Variants in CUBN observed in about 807,000 individuals in gnomAD.
CUBN encodes cubilin.
In CUBN, 282 loss-of-function variants were observed where a neutral mutation model predicts 405.3. The ratio of observed to expected loss-of-function variants is 0.70; its 90% confidence interval spans 0.63 to 0.77. The LOEUF is 0.77. Ranked by LOEUF, CUBN falls within the 30% of genes least tolerant of loss-of-function variation. CUBN has a pLI of 0.00. For synonymous variants in CUBN, 1,684 were observed against 1,617.0 expected (o/e 1.04, Z -0.99); for missense variants, 4,514 against 4,475.2 (o/e 1.01, Z -0.25).
chr10:17,116,853 A>C (rs1317010025), intron 6 of CUBN, among the ~76,000 whole-genome samples: 1 of 152,166 alleles, frequency 6.6e-6, no homozygotes, highest in African/African-American at 2.4e-5. Flanking sequence ...TGCAGGGAGC[A>C]CCATCCATGC....
rs1288536708 is a variant in CUBN, at chr10:16,942,209, C to T, written c.5343-1972G>A. Among the ~76,000 whole-genome samples the T allele has an allele frequency of 3.3e-5, 5 of 152,118 alleles. No homozygotes were observed. In the East Asian group the frequency reaches 7.7e-4, roughly 23 times the overall value. On this transcript the variant is annotated intron_variant, in intron 36 of 66. Transcript: ENST00000377833. ...AGCAACTGAAGTCTTATATATTCCT[C>T]GTGGGACTGCATACTGACATAGCCA...
In CUBN at chr10:16,903,950, T is replaced by A. The variant is rs1841481761; in HGVS notation, c.8062+16A>T. On this transcript the variant is annotated intron_variant, in intron 51 of 66. Transcript: ENST00000377833. The stretch of plus-strand genomic sequence containing the variant: ...TTTATAAGTAATTTTATCAAGATCT[T>A]AATTATAATTCTTACCTGTAAAGGA... The A allele has an allele frequency of 6.4e-7, 1 of 1,550,782 alleles. No individual in the cohort carries two copies. Among genetic ancestry groups the A allele is most frequent in the East Asian group, 2.3e-5 (1 of 43,600 alleles).
intron 48 of CUBN, among the ~76,000 whole-genome samples, chr10:16,912,617 G>A (rs1841765874): frequency 6.6e-6 from 1 of 152,216 alleles, no homozygotes; most frequent in Non-Finnish European, 1.5e-5. Flanking sequence ...AAGTGAGGGT[G>A]TGGAGCAGGC....
At chr10:17,106,869 G>A (rs541056470) in intron 10 of CUBN, among the ~76,000 whole-genome samples, 2 of 152,274 alleles carry the variant, frequency 1.3e-5, no homozygotes, top group South Asian at 2.1e-4. Flanking sequence ...AGCTATCACA[G>A]AATGAACTTA....
intron 64 of CUBN, among the ~76,000 whole-genome samples, chr10:16,834,226 C>T (rs1300962331): frequency 1.3e-5 from 2 of 152,104 alleles, no homozygotes; most frequent in Non-Finnish European, 2.9e-5. Context: ...TGCCTATGAG[C>T]GATGATGTTC....
In CUBN at chr10:16,940,598, T is replaced by C. The variant is rs151107184; in HGVS notation, c.5343-361A>G. ...CATATTTGATTGTGGTGCTCTGCAA[T>C]AGCTTGATGGGAAGACTTTTTGAGA... On this transcript the variant is annotated intron_variant, in intron 36 of 66. Coordinates refer to ENST00000377833, the MANE Select transcript of CUBN (RefSeq NM_001081.4). 4.3e-3 allele frequency among the ~76,000 whole-genome samples: 660 copies of C among 152,320 alleles called. 2 individuals carry two copies. The highest frequency in any genetic ancestry group is 9.1e-3 in the South Asian group (44 of 4,828).
intron 28 of CUBN, among the ~76,000 whole-genome samples, chr10:17,010,752 G>C (rs1024288472): frequency 6.6e-6 from 1 of 152,182 alleles, no homozygotes; most frequent in African/African-American, 2.4e-5. Flanking sequence ...CCTAATGTAC[G>C]TTTCAAGCTG....
At position 17,008,238 on chromosome 10, in the gene CUBN, G is replaced by GGTGTGTGT. The variant is rs55936618; in HGVS notation, c.4168+11587_4168+11594dup. Among the ~76,000 whole-genome samples, 221 of 80,894 alleles carry GGTGTGTGT rather than the reference G, an allele frequency of 2.7e-3. 4 individuals are homozygous for GGTGTGTGT. The highest frequency in any genetic ancestry group is 6.5e-3 in the Admixed American group (45 of 6,950). 53.1% of individuals were successfully genotyped at this position (80,894 alleles called of 152,430 possible). On this transcript the variant is annotated intron_variant, in intron 28 of 66. Coordinates refer to ENST00000377833, the MANE Select transcript of CUBN (RefSeq NM_001081.4). ...GGCTGTAGAGTCCCTGCCCGTGTGT[G>GGTGTGTGT]GTGTGTGTGTGTGTGTGTGTGTGTG...
chr10:17,057,790 TAC>T (rs1275580567), intron 22 of CUBN, among the ~76,000 whole-genome samples: 2 of 151,854 alleles, frequency 1.3e-5, no homozygotes, highest in African/African-American at 4.8e-5. Context: ...AACACATGAA[TAC>T]AGCAACATGA....
At chr10:16,895,959 T>A (rs557364376) in intron 54 of CUBN, among the ~76,000 whole-genome samples, 1 of 152,296 alleles carries the variant, frequency 6.6e-6, no homozygotes, top group African/African-American at 2.4e-5. Flanking sequence ...TCTCTTTTCT[T>A]GATATCTTGG....
intron 10 of CUBN, among the ~76,000 whole-genome samples, chr10:17,106,794 A>C (rs1340191389): frequency 1.3e-5 from 2 of 152,322 alleles, no homozygotes; most frequent in Middle Eastern, 3.4e-3. Flanking sequence ...TTACACAGGC[A>C]GGCCACATGT....
At chr10:17,109,950 T>C (rs1053474657) in intron 9 of CUBN, among the ~76,000 whole-genome samples, 2 of 152,118 alleles carry the variant, frequency 1.3e-5, no homozygotes, top group African/African-American at 4.8e-5. Flanking sequence ...ATGTTCTGGG[T>C]TGTTTCTAAT....
intron 17 of CUBN, among the ~76,000 whole-genome samples, chr10:17,078,171 G>T (rs1835891243): frequency 6.6e-6 from 1 of 152,066 alleles, no homozygotes; most frequent in Non-Finnish European, 1.5e-5. Flanking sequence ...CTAATTGTTT[G>T]TCCTTGCATA....
At chr10:16,965,540 T>C (rs1843366428) in intron 31 of CUBN, 1 of 151,120 alleles carries the variant, frequency 6.6e-6, no homozygotes, top group African/African-American at 2.5e-5. Flanking sequence ...GGGAAATGAA[T>C]TGTAGCTTCC....
intron 60 of CUBN, among the ~76,000 whole-genome samples, chr10:16,850,758 C>T (rs1457403616): frequency 6.6e-6 from 1 of 152,226 alleles, no homozygotes; most frequent in African/African-American, 2.4e-5. Context: ...CAGGCATGAG[C>T]CACAGTGCCC....
chr10:17,106,552 C>A (rs535105223), intron 10 of CUBN, among the ~76,000 whole-genome samples: 33 of 145,374 alleles, frequency 2.3e-4, no homozygotes, highest in African/African-American at 7.7e-4. Flanking sequence ...GAGCCAAGAT[C>A]CTGCCACTGC....
intron 60 of CUBN, among the ~76,000 whole-genome samples, chr10:16,845,255 C>A (rs1258231346): frequency 6.6e-6 from 1 of 152,188 alleles, no homozygotes; most frequent in East Asian, 1.9e-4. Flanking sequence ...CAATTCTTTT[C>A]AAAGGTAATA....
intron 17 of CUBN, 84 bp from the exon 18 acceptor site, chr10:17,072,055 T>C: frequency 9.3e-7 from 1 of 1,073,616 alleles, no homozygotes; most frequent in Non-Finnish European, 1.4e-6. Flanking sequence ...GATGAAAAAA[T>C]GGCAGATTCA....
chr10:16,897,592 T>G (rs1265495426), intron 54 of CUBN, among the ~76,000 whole-genome samples: 1 of 152,124 alleles, frequency 6.6e-6, no homozygotes, highest in Non-Finnish European at 1.5e-5. Context: ...ACTGGCCCCT[T>G]TCTGTGACTG....
Sources: allele counts gnomAD v4.1 joint callset (sites outside exome capture counted in the v4.1 genomes callset), GRCh38; gene constraint gnomAD v4.1.1; transcripts MANE v1.5; gene names NCBI Gene and HGNC (gene_info 2026-07-23, HGNC 2026-07-21).